Variants in CNTLN observed in about 807,000 individuals in gnomAD.
CNTLN encodes the protein centlein, also known as centlein, centrosomal protein.
CNTLN carries 212 observed loss-of-function variants against 180.0 expected under a neutral mutation model. The ratio of observed to expected loss-of-function variants is 1.18; its 90% CI spans 1.05 to 1.32. The LOEUF is 1.32. Among genes scored for constraint, CNTLN ranks in the 40% most tolerant of loss-of-function variants. The pLI is 0.00. For synonymous variants in CNTLN, 722 were observed against 563.1 expected, an observed-to-expected ratio of 1.28 and a Z score of -3.99; for missense variants, 2,095 against 1,610.9, an observed-to-expected ratio of 1.30 and a Z score of -5.14.
chr9:17,518,390 G>A, the CNTLN span, among the ~76,000 whole-genome samples: 1 of 152,076 alleles, frequency 6.6e-6, no homozygotes. Flanking sequence ...TACTGTTTAT[G>A]TGCTGTGGCC....
intron 8 of CNTLN, among the ~76,000 whole-genome samples, 165 bp downstream of exon 8, chr9:17,309,417 A>G (rs7874597): frequency 0.8 from 121,723 of 152,066 alleles, 49,429 homozygotes; most frequent in Non-Finnish European, 0.87. Context: ...GTAGGCATGA[A>G]TATTACATAC....
At chr9:17,432,130 C>A (rs916400629) in intron 18 of CNTLN, among the ~76,000 whole-genome samples, 1 of 151,754 alleles carries the variant, frequency 6.6e-6, no homozygotes, top group Admixed American at 6.6e-5. Context: ...TAAATCCAAA[C>A]CTGGAGAAAT....
intron 5 of CNTLN, among the ~76,000 whole-genome samples, chr9:17,257,142 A>G (rs1826561748): frequency 6.6e-6 from 1 of 151,458 alleles, no homozygotes; most frequent in African/African-American, 2.4e-5. Context: ...CCACCCCACA[A>G]CAGTCCCCAG....
intron 18 of CNTLN, among the ~76,000 whole-genome samples, chr9:17,453,409 A>G (rs552695251): frequency 1.3e-5 from 2 of 152,332 alleles, no homozygotes; most frequent in African/African-American, 4.8e-5. Flanking sequence ...TGAGAATATT[A>G]TATAAACTCT....
At chr9:17,244,274 C>T (rs1329785353) in intron 5 of CNTLN, among the ~76,000 whole-genome samples, 5 of 151,402 alleles carry the variant, frequency 3.3e-5, no homozygotes, top group African/African-American at 9.7e-5. Flanking sequence ...TGCAGTGGCA[C>T]GATCATGGCT....
intron 4 of CNTLN, 132 bp from the exon 5 acceptor site, chr9:17,236,277 C>G (rs757366901): frequency 4.1e-5 from 28 of 680,490 alleles, no homozygotes; most frequent in Non-Finnish European, 6.0e-5. Context: ...GTGACCTTGG[C>G]TATCAAATAT....
At chr9:17,404,292 C>T (rs780958949) in intron 15 of CNTLN, among the ~76,000 whole-genome samples, 30 of 151,594 alleles carry the variant, frequency 2.0e-4, no homozygotes, top group Non-Finnish European at 4.0e-4. Flanking sequence ...ATGCATAGGT[C>T]CAGGAATAAA....
intron 6 of CNTLN, among the ~76,000 whole-genome samples, chr9:17,289,529 G>C (rs1326610568): frequency 7.3e-6 from 1 of 137,302 alleles, no homozygotes; most frequent in African/African-American, 3.1e-5. Context: ...GGCGTTCTCT[G>C]TATTTCCTGA....
intron 18 of CNTLN, among the ~76,000 whole-genome samples, chr9:17,442,041 C>T (rs1317971381): frequency 1.3e-5 from 2 of 152,088 alleles, no homozygotes; most frequent in Non-Finnish European, 2.9e-5. Context: ...AGGAAGGAAA[C>T]TTTGACAGCT....
the CNTLN span, among the ~76,000 whole-genome samples, chr9:17,521,274 A>AGAGAGAGAGAGG: frequency 6.7e-6 from 1 of 149,952 alleles, no homozygotes; most frequent in Non-Finnish European, 1.5e-5. Flanking sequence ...AAAGAGAGAG[A>AGAGAGAGAGAGG]GAGAGAGAGA....
At chr9:17,166,647 G>C (rs1187819436) in intron 2 of CNTLN, among the ~76,000 whole-genome samples, 2 of 152,162 alleles carry the variant, frequency 1.3e-5, no homozygotes, top group African/African-American at 4.8e-5. Flanking sequence ...AACAGTGATT[G>C]TCTCAATTGC....
intron 18 of CNTLN, among the ~76,000 whole-genome samples, chr9:17,425,060 A>G (rs1828986811): frequency 6.6e-6 from 1 of 152,204 alleles, no homozygotes; most frequent in South Asian, 2.1e-4. Context: ...TAATATCTAT[A>G]TTTAGCGAAA....
intron 2 of CNTLN, among the ~76,000 whole-genome samples, chr9:17,215,730 C>A (rs1449107324): frequency 6.6e-6 from 1 of 152,094 alleles, no homozygotes; most frequent in Non-Finnish European, 1.5e-5. Context: ...GCTTTGTTTA[C>A]CTACTCAAGC....
chr9:17,233,807 T>G (rs1824964217), intron 3 of CNTLN, among the ~76,000 whole-genome samples: 1 of 152,168 alleles, frequency 6.6e-6, no homozygotes, highest in Non-Finnish European at 1.5e-5. Flanking sequence ...GTAATATGAT[T>G]TAAGTTCAGA....
chr9:17,391,318 C>T (rs1433102398), intron 14 of CNTLN, among the ~76,000 whole-genome samples: 1 of 152,040 alleles, frequency 6.6e-6, no homozygotes, highest in Non-Finnish European at 1.5e-5. Context: ...AGTGACCTTT[C>T]TTGGTTTTAT....
intron 2 of CNTLN, among the ~76,000 whole-genome samples, chr9:17,204,628 C>T (rs1266071131): frequency 6.6e-6 from 1 of 152,146 alleles, no homozygotes; most frequent in African/African-American, 2.4e-5. Flanking sequence ...GGAGGTTTCT[C>T]CCAGTCAGAA....
intron 2 of CNTLN, among the ~76,000 whole-genome samples, chr9:17,154,999 A>T (rs1489554880): frequency 6.6e-6 from 1 of 152,158 alleles, no homozygotes; most frequent in Non-Finnish European, 1.5e-5. Flanking sequence ...TCACTCCTGA[A>T]GTCAGCAAGA....
chr9:17,477,458 G>T (rs938514330), intron 23 of CNTLN, among the ~76,000 whole-genome samples: 2 of 152,130 alleles, frequency 1.3e-5, no homozygotes, highest in Non-Finnish European at 2.9e-5. Context: ...AAACCTTCTG[G>T]AAAGGATTCA....
At chr9:17,487,312 G>A in intron 25 of CNTLN, 1 of 449,938 alleles carries the variant, frequency 2.2e-6, no homozygotes, top group South Asian at 2.5e-5. Context: ...AAATTATTGA[G>A]TCAACCTCTG....
Sources: allele counts gnomAD v4.1 joint callset (sites outside exome capture counted in the v4.1 genomes callset), GRCh38; gene constraint gnomAD v4.1.1; transcripts MANE v1.5; gene names NCBI Gene and HGNC (gene_info 2026-07-23, HGNC 2026-07-21).